The following AFAP1 variants were observed in gnomAD, a reference collection of about 807,000 sequenced individuals.
AFAP1 encodes the protein actin filament associated protein 1, also known as actin filament-associated protein 1.
In AFAP1, 75 loss-of-function variants were observed where a neutral mutation model predicts 93.9. The observed-to-expected ratio is 0.80, with a 90% CI of 0.66 to 0.97. AFAP1 has a LOEUF of 0.97. AFAP1 is among the 50% of genes least tolerant of loss of function. The probability of loss-of-function intolerance (pLI) is 0.00; values close to 1 mark genes in which losing one functional copy is unlikely to be tolerated. For synonymous variants in AFAP1, 517 were observed against 430.7 expected (o/e 1.20, Z -2.48); for missense variants, 1,201 against 1,050.8 (o/e 1.14, Z -1.98).
At chr4:7,805,637 G>T (rs372026013) in intron 9 of AFAP1, among the ~76,000 whole-genome samples, 1 of 152,198 alleles carries the variant, frequency 6.6e-6, no homozygotes, top group African/African-American at 2.4e-5. Context: ...AGATGGAGGA[G>T]CCTGACATCC....
intron 4 of AFAP1, among the ~76,000 whole-genome samples, chr4:7,854,627 C>A (rs28534631): frequency 0.79 from 120,634 of 152,112 alleles, 48,116 homozygotes; most frequent in East Asian, 0.94. Context: ...TAGGAGACAG[C>A]GAAGGCCGGA....
intron 9 of AFAP1, among the ~76,000 whole-genome samples, chr4:7,802,777 G>A (rs1007832511): frequency 6.6e-6 from 1 of 151,558 alleles, no homozygotes; most frequent in African/African-American, 2.4e-5. Context: ...AGCCTCCCAA[G>A]CAGCTGGGAC....
chr4:7,908,006 G>T (rs1270827679), intron 1 of AFAP1, among the ~76,000 whole-genome samples: 2 of 152,134 alleles, frequency 1.3e-5, no homozygotes, highest in East Asian at 1.9e-4. Context: ...GATGTCAGAC[G>T]TTCAAGACCA....
intron 3 of AFAP1, among the ~76,000 whole-genome samples, chr4:7,866,084 C>T (rs28507380): frequency 4.6e-5 from 7 of 151,856 alleles, no homozygotes; most frequent in South Asian, 2.1e-4. Context: ...TTAGTAGAGA[C>T]GGGGGTTTCA....
chr4:7,868,703 G>GTCCT lies in AFAP1; in HGVS notation c.140_143dup (p.Asp48GlufsTer11). 1 of 1,613,440 alleles carries GTCCT rather than the reference G, an allele frequency of 6.2e-7. No homozygotes were observed. The highest frequency in any genetic ancestry group is 8.5e-7 in the Non-Finnish European group (1 of 1,179,932). On this transcript the variant is annotated frameshift_variant, in exon 3 of 18. Transcript: ENST00000420658. LOFTEE classifies it high-confidence loss of function. ...TAGCGGTCTCCTGCTTCTGAGCATG[G>GTCCT]TCCTTCACATCAAAACCTGTAAGAA...
chr4:7,919,369 T>C (rs1323329652), intron 1 of AFAP1, among the ~76,000 whole-genome samples: 1 of 152,210 alleles, frequency 6.6e-6, no homozygotes, highest in Non-Finnish European at 1.5e-5. Context: ...AAATGTAAAA[T>C]GTCTGTGTTT....
At chr4:7,867,436 C>T (rs1716552451) in intron 3 of AFAP1, among the ~76,000 whole-genome samples, 1 of 152,054 alleles carries the variant, frequency 6.6e-6, no homozygotes, top group Admixed American at 6.5e-5. Flanking sequence ...CCTGAACTGC[C>T]CCTGCAGCCT....
intron 10 of AFAP1, among the ~76,000 whole-genome samples, chr4:7,800,130 T>G (rs1718881821): frequency 6.6e-6 from 1 of 152,182 alleles, no homozygotes; most frequent in African/African-American, 2.4e-5. Context: ...TCTATGGGAT[T>G]GTGTATTTAA....
At chr4:7,820,469 T>A (rs1430907459) in intron 6 of AFAP1, among the ~76,000 whole-genome samples, 1 of 152,112 alleles carries the variant, frequency 6.6e-6, no homozygotes, top group African/African-American at 2.4e-5. Flanking sequence ...TGGAGCCCGT[T>A]GGCGTCAAGG....
At chr4:7,934,873 A>C (rs751923663) in intron 1 of AFAP1, among the ~76,000 whole-genome samples, 2 of 152,238 alleles carry the variant, frequency 1.3e-5, no homozygotes, top group Admixed American at 1.3e-4. Flanking sequence ...ATTTACGTGG[A>C]CATTCATTAC....
chr4:7,833,463 CT>C (rs1434310472), intron 6 of AFAP1, among the ~76,000 whole-genome samples: 1 of 152,168 alleles, frequency 6.6e-6, no homozygotes, highest in East Asian at 1.9e-4. Flanking sequence ...CACCTTACTC[CT>C]GCAAGAACGA....
At chr4:7,780,292 A>G (rs1716626526) in intron 13 of AFAP1, among the ~76,000 whole-genome samples, 1 of 152,248 alleles carries the variant, frequency 6.6e-6, no homozygotes, top group South Asian at 2.1e-4. Flanking sequence ...AAAATCAAAA[A>G]GCAACACCAA....
rs977252662 is a variant in AFAP1, at chr4:7,868,610, A to G, written c.225+12T>C. On this transcript the variant is annotated intron_variant, in intron 3 of 17. Coordinates refer to ENST00000420658, the MANE Select transcript of AFAP1 (RefSeq NM_001134647.2). ...CAGCGATGACCACTGAGATGGTGGGACCTTGACTCACCAGCCAGGGCTGAG... is the reference window on the plus strand; with the variant it reads ...CAGCGATGACCACTGAGATGGTGGGGCCTTGACTCACCAGCCAGGGCTGAG... 1 of 1,609,186 alleles carries G rather than the reference A, an allele frequency of 6.2e-7. No individual in the cohort carries two copies. Among genetic ancestry groups the G allele is most frequent in the Middle Eastern group, 1.7e-4 (1 of 6,052 alleles).
At chr4:7,927,237 G>C (rs1029870869) in intron 1 of AFAP1, among the ~76,000 whole-genome samples, 3 of 152,180 alleles carry the variant, frequency 2.0e-5, no homozygotes, top group Non-Finnish European at 2.9e-5. Flanking sequence ...CATATCAGAC[G>C]CAAGGCTTGG....
intron 17 of AFAP1, among the ~76,000 whole-genome samples, chr4:7,766,435 C>A (rs564221073): frequency 6.6e-6 from 1 of 152,106 alleles, no homozygotes; most frequent in Non-Finnish European, 1.5e-5. Context: ...GCAAACAAGC[C>A]GAGGAAATGG....
intron 4 of AFAP1, among the ~76,000 whole-genome samples, chr4:7,849,368 A>C (rs999637001): frequency 2.0e-5 from 3 of 152,134 alleles, no homozygotes; most frequent in Admixed American, 6.5e-5. Flanking sequence ...TAAAAAAAAA[A>C]CTTGAAATTC....
chr4:7,811,976 C>T (rs1720087065), intron 8 of AFAP1, among the ~76,000 whole-genome samples: 2 of 150,282 alleles, frequency 1.3e-5, no homozygotes, highest in Admixed American at 6.6e-5. Context: ...AACACGTACA[C>T]ACCCTCTTTT....
chr4:7,779,692 T>G (rs946823119), intron 13 of AFAP1, among the ~76,000 whole-genome samples: 10 of 152,182 alleles, frequency 6.6e-5, no homozygotes, highest in African/African-American at 2.2e-4. Context: ...TTAGGAGAAG[T>G]TGAGCAAGTT....
At chr4:7,875,035 G>A (rs1488314911) in intron 1 of AFAP1, among the ~76,000 whole-genome samples, 1 of 152,160 alleles carries the variant, frequency 6.6e-6, no homozygotes, top group Non-Finnish European at 1.5e-5. Context: ...ATCTGCTGAT[G>A]TAGGCAATTA....
Sources: allele counts gnomAD v4.1 joint callset (sites outside exome capture counted in the v4.1 genomes callset), GRCh38; gene constraint gnomAD v4.1.1; transcripts MANE v1.5; gene names NCBI Gene and HGNC (gene_info 2026-07-23, HGNC 2026-07-21).